Variants in DGKB observed in about 807,000 individuals in gnomAD.
DGKB encodes 90 kDa diacylglycerol kinase.
A neutral mutation model predicts 114.3 loss-of-function variants in DGKB; 67 were observed. The ratio of observed to expected loss-of-function variants is 0.59; its 90% CI spans 0.48 to 0.72. DGKB has a LOEUF of 0.72. DGKB is among the 30% of genes least tolerant of loss of function. DGKB has a pLI of 0.00. For missense variants in DGKB, 907 were observed against 975.2 expected (o/e 0.93, Z 0.93); for synonymous variants, 398 against 323.1 (o/e 1.23, Z -2.49).
intron 23 of DGKB, among the ~76,000 whole-genome samples, chr7:14,326,269 G>T (rs1042342405): frequency 6.6e-6 from 1 of 152,124 alleles, no homozygotes; most frequent in African/African-American, 2.4e-5. Context: ...AAACCAATTG[G>T]TATGATACTA....
chr7:14,786,597 C>T (rs888177933), intron 2 of DGKB, among the ~76,000 whole-genome samples: 9 of 152,218 alleles, frequency 5.9e-5, no homozygotes, highest in South Asian at 2.1e-4. Flanking sequence ...GGCACAGCTG[C>T]GGACACTGTG....
chr7:14,484,934 G>C (rs1352065690), intron 20 of DGKB, among the ~76,000 whole-genome samples: 1 of 151,896 alleles, frequency 6.6e-6, no homozygotes, highest in Non-Finnish European at 1.5e-5. Flanking sequence ...CCCAGATATA[G>C]GAGTAGTATA....
intron 21 of DGKB, among the ~76,000 whole-genome samples, chr7:14,399,072 C>G (rs1354040099): frequency 1.3e-5 from 2 of 151,486 alleles, no homozygotes; most frequent in African/African-American, 4.8e-5. Flanking sequence ...GTTTCCTCGG[C>G]GACTTAGAAA....
At chr7:14,509,351 T>C (rs749495635) in intron 20 of DGKB, among the ~76,000 whole-genome samples, 4 of 152,072 alleles carry the variant, frequency 2.6e-5, no homozygotes, top group East Asian at 1.9e-4. Context: ...ATTGCCTTCA[T>C]GTCTTTATGC....
intron 20 of DGKB, among the ~76,000 whole-genome samples, chr7:14,525,966 T>A (rs1339340549): frequency 6.6e-6 from 1 of 152,170 alleles, no homozygotes; most frequent in Non-Finnish European, 1.5e-5. Context: ...TTACATATGC[T>A]GAAAAATATG....
At chr7:14,279,139 G>T (rs1037989903) in intron 23 of DGKB, among the ~76,000 whole-genome samples, 1 of 152,168 alleles carries the variant, frequency 6.6e-6, no homozygotes, top group Non-Finnish European at 1.5e-5. Context: ...CTGGAAAATC[G>T]GGTCACTCCC....
chr7:14,862,188 G>A (rs1337145306), intron 1 of DGKB, among the ~76,000 whole-genome samples: 1 of 151,850 alleles, frequency 6.6e-6, no homozygotes, highest in Admixed American at 6.6e-5. Flanking sequence ...TATACTCAAG[G>A]CATACAAGGA....
At chr7:14,644,387 C>G (rs1046265731) in intron 13 of DGKB, among the ~76,000 whole-genome samples, 4 of 152,042 alleles carry the variant, frequency 2.6e-5, no homozygotes, top group African/African-American at 4.8e-5. Context: ...AAAAGAAAAT[C>G]TATAAACTAC....
chr7:14,724,688 G>T (rs565200455), intron 5 of DGKB, among the ~76,000 whole-genome samples: 1 of 152,188 alleles, frequency 6.6e-6, no homozygotes, highest in African/African-American at 2.4e-5. Flanking sequence ...TTTGTACAGT[G>T]GTCTTATTTG....
intron 2 of DGKB, among the ~76,000 whole-genome samples, chr7:14,807,263 T>A (rs1467190644): frequency 6.6e-6 from 1 of 152,042 alleles, no homozygotes; most frequent in African/African-American, 2.4e-5. Flanking sequence ...TCACCTACTA[T>A]ATTTTAGGTT....
chr7:14,220,223 AG>A (rs1789704231), intron 23 of DGKB, among the ~76,000 whole-genome samples: 1 of 151,644 alleles, frequency 6.6e-6, no homozygotes, highest in African/African-American at 2.4e-5. Context: ...AGTAAAATTA[AG>A]TTATTATTAT....
chr7:14,294,406 T>G (rs926861478), intron 23 of DGKB, among the ~76,000 whole-genome samples: 20 of 152,142 alleles, frequency 1.3e-4, no homozygotes, highest in Non-Finnish European at 2.9e-5. Flanking sequence ...CAAAGATGAC[T>G]ATCCACTATC....
chr7:14,287,571 T>C (rs940575597), intron 23 of DGKB, among the ~76,000 whole-genome samples: 1 of 152,144 alleles, frequency 6.6e-6, no homozygotes, highest in Non-Finnish European at 1.5e-5. Context: ...TGACTGATAA[T>C]GAAACTGTGT....
At chr7:14,705,802 G>A (rs184009527) in intron 6 of DGKB, among the ~76,000 whole-genome samples, 2,097 of 151,776 alleles carry the variant, frequency 0.014, 43 homozygotes, top group African/African-American at 0.048. Context: ...CCCTAAAAGA[G>A]CTCCTGAAGG....
At chr7:14,293,708 T>C (rs113703524) in intron 23 of DGKB, among the ~76,000 whole-genome samples, 2 of 152,164 alleles carry the variant, frequency 1.3e-5, no homozygotes, top group African/African-American at 4.8e-5. Flanking sequence ...TGATATCCTC[T>C]AGGCATGCCT....
intron 21 of DGKB, among the ~76,000 whole-genome samples, chr7:14,392,542 T>C (rs1049072353): frequency 3.9e-5 from 6 of 152,170 alleles, no homozygotes; most frequent in African/African-American, 1.4e-4. Context: ...TGACTATAAA[T>C]TAAGACTACT....
chr7:14,709,187 T>C (rs1164784763), intron 6 of DGKB, among the ~76,000 whole-genome samples: 1 of 152,168 alleles, frequency 6.6e-6, no homozygotes, highest in Non-Finnish European at 1.5e-5. Flanking sequence ...AAAGAAGACA[T>C]TTATGCAGCC....
intron 1 of DGKB, among the ~76,000 whole-genome samples, chr7:14,890,882 A>C (rs1468867714): frequency 6.6e-6 from 1 of 151,348 alleles, no homozygotes; most frequent in Non-Finnish European, 1.5e-5. Context: ...GAAAAAAAAA[A>C]AAATCCCTAA....
chr7:14,710,889 A>C (rs115857451), intron 6 of DGKB, among the ~76,000 whole-genome samples: 321 of 152,226 alleles, frequency 2.1e-3, no homozygotes, highest in African/African-American at 6.8e-3. Flanking sequence ...CTTTACATAT[A>C]TAACTGTACT....
Sources: allele counts gnomAD v4.1 joint callset (sites outside exome capture counted in the v4.1 genomes callset), GRCh38; gene constraint gnomAD v4.1.1; transcripts MANE v1.5; gene names NCBI Gene and HGNC (gene_info 2026-07-23, HGNC 2026-07-21).